Variants in RRP12 observed in about 807,000 individuals in gnomAD.
The protein encoded by RRP12 is ribosomal RNA processing 12 homolog, also known as RRP12-like protein.
Under a neutral mutation model 157.3 loss-of-function variants are expected in RRP12, and 78 were observed. The observed-to-expected ratio is 0.50, with a 90% CI of 0.41 to 0.60. The LOEUF (loss-of-function observed/expected upper bound fraction) is 0.60. Ranked by LOEUF, RRP12 falls within the 20% of genes least tolerant of loss-of-function variation. The pLI is 0.00. For missense variants in RRP12, 1,521 were observed against 1,679.9 expected (o/e 0.91, Z 1.65); for synonymous variants, 726 against 670.9 (o/e 1.08, Z -1.27).
chr10:97,373,653 C>T lies in RRP12; in HGVS notation c.1948G>A (p.Ala650Thr), dbSNP rs1234368780. 3 of 1,613,842 alleles carry T rather than the reference C, an allele frequency of 1.9e-6. No homozygotes were observed. Among genetic ancestry groups the T allele is most frequent in the South Asian group, 2.2e-5 (2 of 91,062 alleles). Residue 650 changes from alanine (A) to threonine (T), a missense_variant, in exon 17 of 34, where the codon GCC becomes ACC. Coordinates refer to ENST00000370992, the MANE Select transcript of RRP12 (RefSeq NM_015179.4). ...FKGLARTLGM[A>T]ISERPDLRVT... ...CTCAGGTCTGGACGCTCGCTGATGGCCATGCCCAGCGTCCGTGCCAGCCCT... is the reference window on the plus strand; with the variant it reads ...CTCAGGTCTGGACGCTCGCTGATGGTCATGCCCAGCGTCCGTGCCAGCCCT...
chr10:97,373,010 C>T, intron 18 of RRP12, 36 bp downstream of exon 18: 2 of 1,579,716 alleles, frequency 1.3e-6, no homozygotes, highest in Non-Finnish European at 1.7e-6. Flanking sequence ...CCTGAGAGCT[C>T]CCCTCCTCCC....
chr10:97,369,592 T>TGAGGGGGTCACTGTCTAAG lies in RRP12; in HGVS notation c.2798-29_2798-11dup. The TGAGGGGGTCACTGTCTAAG allele has an allele frequency of 6.4e-7, 1 of 1,554,234 alleles. No individual in the cohort carries two copies. Among genetic ancestry groups the TGAGGGGGTCACTGTCTAAG allele is most frequent in the Non-Finnish European group, 8.7e-7 (1 of 1,148,432 alleles). ...CTGGTCCCCATCAGACCTGTGGCAGTGAGGGGGTCACTGTCTAAGACACCC... is the reference window on the plus strand; with the variant it reads ...CTGGTCCCCATCAGACCTGTGGCAGTGAGGGGGTCACTGTCTAAGGAGGGGGTCACTGTCTAAGACACCC... On this transcript the variant is annotated splice_polypyrimidine_tract_variant and intron_variant, in intron 24 of 33. Coordinates refer to ENST00000370992, the MANE Select transcript of RRP12 (RefSeq NM_015179.4).
In RRP12 at chr10:97,381,411, C is replaced by T; in HGVS notation, c.1393G>A (p.Ala465Thr). The T allele has an allele frequency of 6.2e-7, 1 of 1,612,492 alleles. No individual in the cohort carries two copies. Among genetic ancestry groups the T allele is most frequent in the Non-Finnish European group, 8.5e-7 (1 of 1,179,416 alleles). ...GSVTSSASGPAQSVAKMFRAV... is the reference protein window; with the variant it reads ...GSVTSSASGPTQSVAKMFRAV... ...CTGAACATCTTGGCAACAGATTGGG[C>T]AGGGCCTGAGGCCGAGGAGGTCACG... Residue 465 changes from alanine to threonine, a missense_variant, in exon 12 of 34, where the codon GCC becomes ACC. Coordinates refer to ENST00000370992, the MANE Select transcript of RRP12 (RefSeq NM_015179.4).
intron 4 of RRP12, chr10:97,393,219 C>T (rs946457575): frequency 2.5e-5 from 11 of 447,694 alleles, no homozygotes; most frequent in Non-Finnish European, 4.5e-5. Context: ...CTGCTTTTGC[C>T]TTCAACACTT....
Position 97,388,583 on chromosome 10 carries a change from C to T in RRP12, c.795G>A (p.Lys265=), listed in dbSNP as rs369212773. The T allele has an allele frequency of 3.1e-6, 5 of 1,614,198 alleles. No homozygotes were observed. In the East Asian group the frequency reaches 1.1e-4, roughly 36 times the overall value. The change falls in exon 7 of 34, where the codon AAG becomes AAA. Residue 265 remains lysine, a synonymous_variant. Transcript: ENST00000370992. ...AAQHGVCSVL[K]GSEFMFEKAP... Reference sequence around the variant, plus strand: ...CCTTTTCAAACATGAATTCACTGCCCTTGAGGACTGAGCATACTCCATGCT... The same window carrying T: ...CCTTTTCAAACATGAATTCACTGCCTTTGAGGACTGAGCATACTCCATGCT...
rs112214269 is a variant in RRP12, at chr10:97,395,207, T to TATATAC, written c.453+1010_453+1011insGTATAT. Among the ~76,000 whole-genome samples the TATATAC allele has an allele frequency of 4.0e-3, 604 of 149,962 alleles. 1 individual carries two copies. Among genetic ancestry groups the TATATAC allele is most frequent in the Non-Finnish European group, 5.1e-3 (344 of 67,662 alleles). ...AATAAAAAGTATATATATACACATA[T>TATATAC]ACACACACACACACACATACATACA... is the stretch of plus-strand genomic sequence containing the variant. On this transcript the variant is annotated intron_variant, in intron 3 of 33. Transcript: ENST00000370992.
At chr10:97,398,507 C>T (rs1186100012) in intron 2 of RRP12, among the ~76,000 whole-genome samples, 1 of 151,212 alleles carries the variant, frequency 6.6e-6, no homozygotes, top group Non-Finnish European at 1.5e-5. Context: ...GCGCATGCCA[C>T]CATGCCAGGC....
rs749758817 is a variant in RRP12, at chr10:97,401,096, A to ACGGC, written c.132_135dup (p.Ser46AlafsTer6). On this transcript the variant is annotated frameshift_variant, in exon 1 of 34. Coordinates refer to ENST00000370992, the MANE Select transcript of RRP12 (RefSeq NM_015179.4). LOFTEE classifies it high-confidence loss of function. ...GCTCGGGTCTCAACCCAGCTACCTG[A>ACGGC]CGGCCGGCTGAAGAAGCGGCTGCGG... The ACGGC allele has an allele frequency of 1.9e-6, 3 of 1,613,228 alleles. No individual in the cohort carries two copies. The highest frequency in any genetic ancestry group is 2.5e-6 in the Non-Finnish European group (3 of 1,179,636).
At position 97,366,434 on chromosome 10, in the gene RRP12, C is replaced by A; in HGVS notation, c.3391+12G>T. ...TCTGTTTTCTGAGTGCACTGGCCAG[C>A]CCTGTGCTTACCCAGGACTCGTTGG... On this transcript the variant is annotated intron_variant, in intron 28 of 33. Coordinates refer to ENST00000370992, the MANE Select transcript of RRP12 (RefSeq NM_015179.4). 6.2e-7 allele frequency: 1 copy of A among 1,605,508 alleles called. No homozygotes were observed. Among genetic ancestry groups the A allele is most frequent in the South Asian group, 1.1e-5 (1 of 89,736 alleles).
intron 4 of RRP12, chr10:97,393,371 C>T (rs1844863719): frequency 1.9e-6 from 1 of 523,926 alleles, no homozygotes; most frequent in African/African-American, 1.9e-5. Context: ...AACTTTAGAT[C>T]TCACAGCACG....
chr10:97,374,841 G>A (rs370506141), intron 15 of RRP12, among the ~76,000 whole-genome samples: 276 of 149,950 alleles, frequency 1.8e-3, no homozygotes, highest in African/African-American at 6.6e-3. Flanking sequence ...TTGTTTACTT[G>A]ACAATAAAGC....
rs1387998180 is a variant in RRP12 at position 97,398,116 on chromosome 10, G to A, written c.370-1815C>T. ...AGGCCGGACTGCGGACTGCAGTGGC[G>A]CAATCTCGGCTCACTGCAAGCTCCG... On this transcript the variant is annotated intron_variant, in intron 2 of 33. Coordinates refer to ENST00000370992, the MANE Select transcript of RRP12 (RefSeq NM_015179.4). 5.0e-5 allele frequency among the ~76,000 whole-genome samples: 4 copies of A among 80,428 alleles called. 1 individual carries two copies. The South Asian group carries it at 1.8e-3, about 35-fold the overall frequency. 52.8% of individuals were successfully genotyped at this position (80,428 alleles called of 152,430 possible).
intron 8 of RRP12, among the ~76,000 whole-genome samples, chr10:97,386,989 CA>C (rs138567327): frequency 1.3e-4 from 18 of 143,618 alleles, no homozygotes; most frequent in Non-Finnish European, 1.9e-4. Context: ...GACTCCATCA[CA>C]AAAAAAAAAA....
rs200457394 is a variant in RRP12, at chr10:97,390,511, C to T, written c.665G>A (p.Arg222Gln). ...WVLSCLATLLRKQDLEAWGYP... is the reference protein window; with the variant it reads ...WVLSCLATLLQKQDLEAWGYP... ...GCCCCAGGCCTCCAGGTCTTGCTTCCGCAGAAGGGTGGCCAGGCAGGAAAG... is the reference window on the plus strand; with the variant it reads ...GCCCCAGGCCTCCAGGTCTTGCTTCTGCAGAAGGGTGGCCAGGCAGGAAAG... The change falls in exon 6 of 34, where the codon CGG becomes CAG. Residue 222 changes from arginine (R) to glutamine (Q), a missense_variant. Arg to Gln is a conservative substitution (Grantham distance 43). Coordinates refer to ENST00000370992, the MANE Select transcript of RRP12 (RefSeq NM_015179.4). 7.2e-5 allele frequency: 116 copies of T among 1,613,900 alleles called. No individual in the cohort carries two copies. Among genetic ancestry groups the T allele is most frequent in the South Asian group, 3.3e-4 (30 of 91,074 alleles).
chr10:97,359,101 G>A (rs1468451194), intron 31 of RRP12, 91 bp from the exon 32 acceptor site: 9 of 933,434 alleles, frequency 9.6e-6, no homozygotes, highest in African/African-American at 3.3e-5. Context: ...AGAGCTGCAA[G>A]GGAGCAGATG....
In RRP12 at chr10:97,356,763, G is replaced by C. The variant is rs1191637292; in HGVS notation, c.*331C>G. 3.8e-6 allele frequency: 1 copy of C among 264,100 alleles called. No individual in the cohort carries two copies. Among genetic ancestry groups the C allele is most frequent in the Non-Finnish European group, 7.1e-6 (1 of 141,098 alleles). The allele number at this position is 264,100 out of a possible 1,614,324, so 16.4% of individuals were successfully genotyped here. On this transcript the variant is annotated 3_prime_UTR_variant, in exon 34 of 34. Coordinates refer to ENST00000370992, the MANE Select transcript of RRP12 (RefSeq NM_015179.4). ...GTAAATCTCACCCAGACCACAGGCA[G>C]GATGCCACGTGGCTACAGGCAGCTG... is the stretch of plus-strand genomic sequence containing the variant.
chr10:97,372,953 C>G, intron 18 of RRP12, 93 bp downstream of exon 18: 1 of 1,469,164 alleles, frequency 6.8e-7, no homozygotes, highest in Non-Finnish European at 9.3e-7. Flanking sequence ...CACAGAGACC[C>G]ACGTGAGCCC....
intron 10 of RRP12, among the ~76,000 whole-genome samples, chr10:97,383,576 T>C (rs1333709459): frequency 6.6e-6 from 1 of 152,238 alleles, no homozygotes; most frequent in Non-Finnish European, 1.5e-5. Flanking sequence ...AAGAGGCCCT[T>C]GCCTCCCTCC....
intron 10 of RRP12, among the ~76,000 whole-genome samples, chr10:97,382,752 T>C (rs1844506049): frequency 6.8e-6 from 1 of 146,886 alleles, no homozygotes; most frequent in South Asian, 2.2e-4. Context: ...TACAACCACT[T>C]TGACTGTTTC....
Sources: allele counts gnomAD v4.1 joint callset (sites outside exome capture counted in the v4.1 genomes callset), GRCh38; gene constraint gnomAD v4.1.1; transcripts MANE v1.5; gene names NCBI Gene and HGNC (gene_info 2026-07-23, HGNC 2026-07-21).